Variants in BAIAP2L1 observed in about 807,000 individuals in gnomAD.
BAIAP2L1 encodes BAR/IMD domain containing adaptor protein 2 like 1.
Under a neutral mutation model 66.3 loss-of-function variants are expected in BAIAP2L1, and 35 were observed. The ratio of observed to expected loss-of-function variants is 0.53; its 90% CI spans 0.40 to 0.70. BAIAP2L1 has a LOEUF of 0.70. BAIAP2L1 is among the 30% of genes least tolerant of loss of function. The pLI is 0.00. For missense variants in BAIAP2L1, 622 were observed against 656.9 expected (o/e 0.95, Z 0.58); for synonymous variants, 269 against 248.7 (o/e 1.08, Z -0.77).
chr7:98,317,178 G>A (rs768518497), intron 6 of BAIAP2L1, 41 bp downstream of exon 6: 4 of 1,612,266 alleles, frequency 2.5e-6, no homozygotes, highest in Admixed American at 1.7e-5. Context: ...TGTGCAAATT[G>A]TCAACAACAA....
chr7:98,398,475 T>TAA (rs34124383), intron 1 of BAIAP2L1, among the ~76,000 whole-genome samples: 55 of 145,180 alleles, frequency 3.8e-4, no homozygotes, highest in African/African-American at 6.6e-4. Context: ...ACCTGGACAT[T>TAA]AAAAAAAAAA....
chr7:98,355,655 G>T (rs1019202648), intron 2 of BAIAP2L1, among the ~76,000 whole-genome samples: 1 of 152,032 alleles, frequency 6.6e-6, no homozygotes, highest in African/African-American at 2.4e-5. Flanking sequence ...CTTGAGCCCA[G>T]GAGGCGGAGG....
At chr7:98,310,819 T>C (rs1373265357) in intron 8 of BAIAP2L1, among the ~76,000 whole-genome samples, 1 of 152,146 alleles carries the variant, frequency 6.6e-6, no homozygotes, top group African/African-American at 2.4e-5. Flanking sequence ...CTTGAGTAGC[T>C]GGATAACAGG....
chr7:98,393,806 GTACC>G (rs1803131038), intron 1 of BAIAP2L1, among the ~76,000 whole-genome samples: 1 of 146,032 alleles, frequency 6.8e-6, no homozygotes. Flanking sequence ...TCTTGAAAAT[GTACC>G]TACTTTGGAC....
chr7:98,292,879 G>C lies in BAIAP2L1; in HGVS notation c.*642C>G. On this transcript the variant is annotated 3_prime_UTR_variant, in exon 14 of 14. Coordinates refer to ENST00000005260, the MANE Select transcript of BAIAP2L1 (RefSeq NM_018842.5). ...ACCAAGAAAAGGAGCTCTCGGAGGA[G>C]ATTTCGTCGAGTGCTACGTGTGGCT... 5.6e-6 allele frequency: 8 copies of C among 1,440,800 alleles called. No individual in the cohort carries two copies. The South Asian group carries it at 9.0e-5, about 16-fold the overall frequency. 89.3% of individuals were successfully genotyped at this position (1,440,800 alleles called of 1,614,324 possible). A position where few individuals can be genotyped will look rare whatever the true frequency, so the allele number is the denominator to read the frequency against.
chr7:98,312,045 A>G, intron 8 of BAIAP2L1, 52 bp downstream of exon 8: 1 of 1,531,190 alleles, frequency 6.5e-7, no homozygotes, highest in Admixed American at 2.1e-5. Flanking sequence ...TTTGGCCCAG[A>G]TCAAGTTAGG....
intron 1 of BAIAP2L1, among the ~76,000 whole-genome samples, chr7:98,380,379 G>C (rs1364390005): frequency 6.6e-6 from 1 of 152,094 alleles, no homozygotes; most frequent in Non-Finnish European, 1.5e-5. Context: ...CCACATGGCT[G>C]GTCTCAGAAT....
At chr7:98,343,138 C>T (rs940913374) in intron 3 of BAIAP2L1, among the ~76,000 whole-genome samples, 1 of 151,906 alleles carries the variant, frequency 6.6e-6, no homozygotes, top group Non-Finnish European at 1.5e-5. Context: ...TAGCTCACGC[C>T]TGTAATCCTA....
chr7:98,336,357 T>TA (rs1375254181), intron 3 of BAIAP2L1, among the ~76,000 whole-genome samples: 4 of 152,144 alleles, frequency 2.6e-5, no homozygotes, highest in African/African-American at 9.7e-5. Context: ...CTCACGCCTG[T>TA]AATCCCAGCA....
chr7:98,296,741 C>T (rs12704982), intron 12 of BAIAP2L1, among the ~76,000 whole-genome samples: 61,223 of 152,160 alleles, frequency 0.4, 13,438 homozygotes, highest in Middle Eastern at 0.54. Context: ...ACCTGAAACC[C>T]CAGCACTCCT....
chr7:98,367,762 G>C (rs1337109705), intron 1 of BAIAP2L1, among the ~76,000 whole-genome samples: 1 of 151,834 alleles, frequency 6.6e-6, no homozygotes, highest in African/African-American at 2.4e-5. Flanking sequence ...TCGATTTCCT[G>C]ACCTTGTGAT....
Position 98,315,630 on chromosome 7 carries a change from A to ATAATAC in BAIAP2L1, c.487-19_487-18insGTATTA. 9.1e-7 allele frequency: 1 copy of ATAATAC among 1,103,270 alleles called. No homozygotes were observed. The highest frequency in any genetic ancestry group is 1.2e-6 in the Non-Finnish European group (1 of 842,572). 68.3% of individuals were successfully genotyped at this position (1,103,270 alleles called of 1,614,324 possible). ...TCCACATACTAAAAAAAAAAAAATA[A>ATAATAC]TAATAATAATAATTATATAAGCATG... On this transcript the variant is annotated intron_variant, in intron 6 of 13. Coordinates refer to ENST00000005260, the MANE Select transcript of BAIAP2L1 (RefSeq NM_018842.5).
chr7:98,369,740 C>T (rs1396989775), intron 1 of BAIAP2L1, among the ~76,000 whole-genome samples: 4 of 144,160 alleles, frequency 2.8e-5, no homozygotes, highest in Admixed American at 2.2e-4. Context: ...GGTGCCATCT[C>T]GGCTCACTGC....
intron 1 of BAIAP2L1, among the ~76,000 whole-genome samples, chr7:98,381,544 TCA>T (rs1411859863): frequency 6.6e-6 from 1 of 152,210 alleles, no homozygotes; most frequent in African/African-American, 2.4e-5. Context: ...AAGAATATTC[TCA>T]GAGTCCTGGG....
chr7:98,367,384 T>C (rs985742458), intron 1 of BAIAP2L1, among the ~76,000 whole-genome samples: 11 of 152,124 alleles, frequency 7.2e-5, no homozygotes, highest in Non-Finnish European at 1.0e-4. Context: ...CTTTTTTCTT[T>C]GTTTGAGACA....
At chr7:98,359,626 G>A (rs1216580127) in intron 2 of BAIAP2L1, among the ~76,000 whole-genome samples, 3 of 151,820 alleles carry the variant, frequency 2.0e-5, no homozygotes, top group Non-Finnish European at 4.4e-5. Flanking sequence ...CTAACATCTG[G>A]CAGATAGCTC....
At chr7:98,357,020 A>AAAAAAAAAAACTC (rs1554337328) in intron 2 of BAIAP2L1, among the ~76,000 whole-genome samples, 1 of 28,098 alleles carries the variant, frequency 3.6e-5, no homozygotes, top group Non-Finnish European at 5.1e-5. Context: ...AAAAAAAAAA[A>AAAAAAAAAAACTC]ATATATATAT....
In BAIAP2L1 at chr7:98,392,323, C is replaced by T. The variant is rs372816771; in HGVS notation, c.51+8479G>A. The stretch of plus-strand genomic sequence containing the variant: ...TCGCGCCATTTCACTCCAGCCTGGG[C>T]GAACAAGAGTGAACCTCCGTTTCAA... On this transcript the variant is annotated intron_variant, in intron 1 of 13. Coordinates refer to ENST00000005260, the MANE Select transcript of BAIAP2L1 (RefSeq NM_018842.5). 3.1e-4 allele frequency among the ~76,000 whole-genome samples: 47 copies of T among 152,028 alleles called. 1 individual carries two copies. The highest frequency in any genetic ancestry group is 8.4e-4 in the African/African-American group (35 of 41,496).
At chr7:98,304,748 C>G (rs1800571868) in intron 11 of BAIAP2L1, among the ~76,000 whole-genome samples, 1 of 151,592 alleles carries the variant, frequency 6.6e-6, no homozygotes, top group Admixed American at 6.6e-5. Context: ...GGGGTTTCAC[C>G]ATATTGGCCA....
Sources: gnomAD v4.1 joint callset for allele counts (sites outside exome capture counted in the v4.1 genomes callset) on GRCh38, gnomAD v4.1.1 for gene constraint, MANE v1.5 for transcripts, NCBI Gene and HGNC (gene_info 2026-07-23, HGNC 2026-07-21) for gene names.